Variants in TMEM278 observed in about 807,000 individuals in gnomAD.
TMEM278 encodes transmembrane protein 88B.
the TMEM278 span, among the ~76,000 whole-genome samples, chr1:1,428,815 A>G: frequency 1.3e-5 from 2 of 152,142 alleles, no homozygotes; most frequent in Admixed American, 1.3e-4. Context: ...CCTGGCTAAC[A>G]CGGTGAAACC....
At chr1:1,428,574 C>T in the TMEM278 span, among the ~76,000 whole-genome samples, 2 of 152,186 alleles carry the variant, frequency 1.3e-5, no homozygotes, top group African/African-American at 4.8e-5. Flanking sequence ...CTGGAAATCC[C>T]TCAACAATTG....
the TMEM278 span, among the ~76,000 whole-genome samples, chr1:1,428,875 C>T: frequency 5.3e-5 from 8 of 151,880 alleles, no homozygotes; most frequent in African/African-American, 1.9e-4. Flanking sequence ...TGGCGGGCAC[C>T]TGTAGTACCA....
chr1:1,426,299 C>A, the TMEM278 span: 1 of 1,498,028 alleles, frequency 6.7e-7, no homozygotes, highest in Non-Finnish European at 8.9e-7. Context: ...GCTCCTGCTG[C>A]ACCTCCTGCT....
the TMEM278 span, chr1:1,426,351 CCGT>C: frequency 7.0e-7 from 1 of 1,437,218 alleles, no homozygotes; most frequent in East Asian, 2.7e-5. Context: ...CCCGCGGCCG[CCGT>C]CGTCTACCTG....
chr1:1,429,678 T>C, the TMEM278 span, among the ~76,000 whole-genome samples: 1 of 152,306 alleles, frequency 6.6e-6, no homozygotes, highest in Non-Finnish European at 1.5e-5. Flanking sequence ...ACTATTCCCC[T>C]TTTCCAGGCG....
chr1:1,426,276 G>A, the TMEM278 span: 55 of 1,491,850 alleles, frequency 3.7e-5, 1 homozygote, highest in Middle Eastern at 4.7e-4. Context: ...CTGCCCGGCC[G>A]GCTGCTGGCC....
At chr1:1,429,418 A>T in the TMEM278 span, among the ~76,000 whole-genome samples, 2 of 150,360 alleles carry the variant, frequency 1.3e-5, no homozygotes, top group African/African-American at 4.9e-5. Flanking sequence ...GATTTTTTTT[A>T]TGGTCTCTTG....
the TMEM278 span, chr1:1,427,912 G>A: frequency 2.1e-6 from 2 of 931,570 alleles, no homozygotes; most frequent in Non-Finnish European, 2.8e-6. Flanking sequence ...CAGCGCTCCC[G>A]GCTTACGACC....
the TMEM278 span, among the ~76,000 whole-genome samples, chr1:1,428,542 A>G: frequency 0.037 from 5,634 of 152,276 alleles, 348 homozygotes; most frequent in African/African-American, 0.13. Context: ...TGTAAGCCAC[A>G]GGTCCACAAC....
chr1:1,428,966 C>G, the TMEM278 span, among the ~76,000 whole-genome samples: 1 of 148,008 alleles, frequency 6.8e-6, no homozygotes, highest in Admixed American at 6.8e-5. Context: ...CGCCACTGCA[C>G]TCTAGCTTGG....
At chr1:1,425,984 C>A in the TMEM278 span, 4,734 of 1,240,216 alleles carry the variant, frequency 3.8e-3, 145 homozygotes, top group African/African-American at 0.066. Context: ...AGGGCAGGAC[C>A]TCCCTAGCCA....
At chr1:1,428,248 G>A in the TMEM278 span, among the ~76,000 whole-genome samples, 2 of 151,648 alleles carry the variant, frequency 1.3e-5, no homozygotes, top group African/African-American at 2.4e-5. Context: ...GAGGAGGGGC[G>A]CAGGCCCCAG....
At chr1:1,428,393 T>C in the TMEM278 span, among the ~76,000 whole-genome samples, 1 of 152,058 alleles carries the variant, frequency 6.6e-6, no homozygotes. Context: ...GCTCAGCCTA[T>C]GGCCAGGCTC....
the TMEM278 span, among the ~76,000 whole-genome samples, chr1:1,428,570 A>G: frequency 1.3e-5 from 2 of 152,070 alleles, no homozygotes; most frequent in African/African-American, 2.4e-5. Context: ...AGCTCTGGAA[A>G]TCCCTCAACA....
the TMEM278 span, among the ~76,000 whole-genome samples, chr1:1,429,217 G>A: frequency 6.6e-6 from 1 of 151,940 alleles, no homozygotes; most frequent in Non-Finnish European, 1.5e-5. Flanking sequence ...CCATGGTGGT[G>A]CACACCTGTA....
At chr1:1,427,645 C>T in the TMEM278 span, 9 of 1,345,886 alleles carry the variant, frequency 6.7e-6, no homozygotes, top group Non-Finnish European at 6.7e-6. Context: ...TCGCTGCCGC[C>T]GCTGCTGGTG....
At chr1:1,428,783 C>T in the TMEM278 span, among the ~76,000 whole-genome samples, 1 of 152,100 alleles carries the variant, frequency 6.6e-6, no homozygotes, top group African/African-American at 2.4e-5. Flanking sequence ...GGCGGATCAC[C>T]AGCTCAGGAG....
the TMEM278 span, chr1:1,427,895 G>A: frequency 4.6e-6 from 5 of 1,094,432 alleles, no homozygotes; most frequent in East Asian, 4.0e-5. Context: ...CTTCCTGGCT[G>A]GGCGCGCAGC....
chr1:1,426,106 AC>A, the TMEM278 span: 1 of 1,373,334 alleles, frequency 7.3e-7, no homozygotes, highest in Non-Finnish European at 9.5e-7. Flanking sequence ...CGCCCGGGCC[AC>A]AGGCCTGCAG....
Sources: gnomAD v4.1 joint callset for allele counts (sites outside exome capture counted in the v4.1 genomes callset) on GRCh38, gnomAD v4.1.1 for gene constraint, MANE v1.5 for transcripts, NCBI Gene and HGNC (gene_info 2026-07-23, HGNC 2026-07-21) for gene names.